PPM1H: variants seen among roughly 807,000 people sequenced by gnomAD.
PPM1H encodes the protein protein phosphatase, Mg2+/Mn2+ dependent 1H.
PPM1H carries 27 observed loss-of-function variants against 54.9 expected under a neutral mutation model. The observed-to-expected ratio is 0.49, with a 90% confidence interval of 0.36 to 0.68. PPM1H has a LOEUF of 0.68. Among genes scored for constraint, PPM1H ranks in the 30% least tolerant of loss-of-function variants. PPM1H has a pLI of 0.00. For missense variants in PPM1H, 596 were observed against 667.8 expected, an observed-to-expected ratio of 0.89 and a Z score of 1.19; for synonymous variants, 305 against 270.8, an observed-to-expected ratio of 1.13 and a Z score of -1.24.
intron 9 of PPM1H, among the ~76,000 whole-genome samples, chr12:62,654,954 C>T (rs1254952208): frequency 1.3e-5 from 2 of 152,172 alleles, no homozygotes; most frequent in African/African-American, 4.8e-5. Flanking sequence ...CACACGGCTT[C>T]TCTCCGCCGG....
At chr12:62,777,582 A>G (rs1241436742) in intron 4 of PPM1H, among the ~76,000 whole-genome samples, 3 of 152,246 alleles carry the variant, frequency 2.0e-5, no homozygotes, top group Non-Finnish European at 4.4e-5. Context: ...ATTGAGGTGT[A>G]TATATAAGTA....
At chr12:62,798,244 T>C (rs2076747660) in intron 3 of PPM1H, among the ~76,000 whole-genome samples, 1 of 152,140 alleles carries the variant, frequency 6.6e-6, no homozygotes, top group African/African-American at 2.4e-5. Flanking sequence ...GGTATGGTCA[T>C]CCACATATTC....
At chr12:62,896,147 G>A (rs950692192) in intron 1 of PPM1H, among the ~76,000 whole-genome samples, 2 of 152,236 alleles carry the variant, frequency 1.3e-5, no homozygotes, top group South Asian at 2.1e-4. Context: ...TTATTGCAAC[G>A]ATGTTTGCTT....
At chr12:62,691,700 G>A (rs1453204363) in intron 7 of PPM1H, among the ~76,000 whole-genome samples, 6 of 151,728 alleles carry the variant, frequency 4.0e-5, no homozygotes, top group Non-Finnish European at 7.4e-5. Flanking sequence ...GCATGCGCCT[G>A]TAGTCCCAGC....
chr12:62,779,408 T>C (rs17098311), intron 4 of PPM1H, among the ~76,000 whole-genome samples: 14,745 of 152,270 alleles, frequency 0.097, 773 homozygotes, highest in South Asian at 0.15. Flanking sequence ...CTAGGTAGAA[T>C]GCAGTTGATG....
intron 1 of PPM1H, among the ~76,000 whole-genome samples, chr12:62,856,823 T>C (rs967668861): frequency 6.6e-6 from 1 of 152,132 alleles, no homozygotes; most frequent in African/African-American, 2.4e-5. Flanking sequence ...GAAGCAGTAT[T>C]TATAACAATG....
intron 5 of PPM1H, among the ~76,000 whole-genome samples, chr12:62,733,557 G>A (rs771936968): frequency 2.0e-5 from 3 of 152,028 alleles, no homozygotes; most frequent in African/African-American, 4.8e-5. Flanking sequence ...ATGCCTGGCC[G>A]ATACTATTTT....
chr12:62,900,404 G>A (rs1042956830), intron 1 of PPM1H, among the ~76,000 whole-genome samples: 1 of 151,820 alleles, frequency 6.6e-6, no homozygotes. Context: ...GGGTAGGGGG[G>A]AGGGATAGTA....
At chr12:62,740,165 A>G (rs773366473) in intron 4 of PPM1H, among the ~76,000 whole-genome samples, 30 of 152,376 alleles carry the variant, frequency 2.0e-4, no homozygotes, top group Non-Finnish European at 3.5e-4. Context: ...AGCCTCAGAA[A>G]TTGATAATAA....
intron 1 of PPM1H, among the ~76,000 whole-genome samples, chr12:62,933,281 A>C (rs1256546326): frequency 6.6e-6 from 1 of 152,088 alleles, no homozygotes; most frequent in African/African-American, 2.4e-5. Context: ...GGAGAATTAG[A>C]GATAATAAGC....
chr12:62,676,212 C>A (rs2136622453), intron 8 of PPM1H, among the ~76,000 whole-genome samples: 1 of 152,294 alleles, frequency 6.6e-6, no homozygotes, highest in South Asian at 2.1e-4. Flanking sequence ...CTTCACACAA[C>A]CTGAGACTAC....
chr12:62,703,268 C>A (rs557152810), intron 6 of PPM1H, among the ~76,000 whole-genome samples: 1 of 152,250 alleles, frequency 6.6e-6, no homozygotes, highest in African/African-American at 2.4e-5. Context: ...CCAGAACAGT[C>A]CATTGTTCTC....
chr12:62,668,366 T>C (rs1275306197), intron 8 of PPM1H, among the ~76,000 whole-genome samples: 1 of 152,176 alleles, frequency 6.6e-6, no homozygotes, highest in Admixed American at 6.5e-5. Context: ...GCCTCCCTTA[T>C]TACTCTATTT....
intron 5 of PPM1H, among the ~76,000 whole-genome samples, chr12:62,732,773 C>T (rs1048500621): frequency 8.6e-5 from 13 of 151,706 alleles, no homozygotes; most frequent in African/African-American, 2.9e-4. Flanking sequence ...GGGGTTTCAC[C>T]GTGTTAGCCA....
chr12:62,703,147 G>A lies in PPM1H; in HGVS notation c.1074-9148C>T, dbSNP rs2076153450. Among the ~76,000 whole-genome samples, 4 of 152,116 alleles carry A rather than the reference G, an allele frequency of 2.6e-5. No homozygotes were observed. The South Asian group carries it at 8.3e-4, about 32-fold the overall frequency. ...AGAGCTAACAGGCAACCGTAAGCAGGAAGACACAGCACATCCCCGTAGGAA... is the reference window on the plus strand; with the variant it reads ...AGAGCTAACAGGCAACCGTAAGCAGAAAGACACAGCACATCCCCGTAGGAA... On this transcript the variant is annotated intron_variant, in intron 6 of 9. Transcript: ENST00000228705.
intron 4 of PPM1H, among the ~76,000 whole-genome samples, chr12:62,744,160 C>T (rs1447944447): frequency 2.0e-5 from 2 of 98,166 alleles, no homozygotes; most frequent in Admixed American, 1.2e-4. Context: ...AGCCATTATA[C>T]AGTCATAAAA....
intron 7 of PPM1H, among the ~76,000 whole-genome samples, chr12:62,691,199 G>A (rs1336235500): frequency 6.6e-6 from 1 of 152,152 alleles, no homozygotes; most frequent in Non-Finnish European, 1.5e-5. Context: ...ACAGAGGGAT[G>A]GAGTGAAAGT....
chr12:62,715,593 C>A (rs1428531828), intron 6 of PPM1H, among the ~76,000 whole-genome samples: 1 of 152,106 alleles, frequency 6.6e-6, no homozygotes. Context: ...AAAAAAGGAT[C>A]CCCATTAAGA....
chr12:62,805,001 T>C (rs1285489072), intron 2 of PPM1H, among the ~76,000 whole-genome samples: 4 of 152,208 alleles, frequency 2.6e-5, no homozygotes, highest in African/African-American at 9.6e-5. Context: ...TACTGCAATG[T>C]ATTAAACTCA....
Sources: allele counts gnomAD v4.1 joint callset (sites outside exome capture counted in the v4.1 genomes callset), GRCh38; gene constraint gnomAD v4.1.1; transcripts MANE v1.5; gene names NCBI Gene and HGNC (gene_info 2026-07-23, HGNC 2026-07-21).